The following OVCH1 variants were observed in gnomAD, a reference collection of about 807,000 sequenced individuals.
The protein encoded by OVCH1 is ovochymase-1.
Under a neutral mutation model 138.4 loss-of-function variants are expected in OVCH1, and 139 were observed. The observed-to-expected ratio is 1.00, with a 90% CI of 0.87 to 1.16. OVCH1 has a LOEUF of 1.16. Ranked by LOEUF, OVCH1 falls within the 50% of genes most tolerant of loss-of-function variation. The pLI, the probability that OVCH1 is intolerant of heterozygous loss-of-function variation, is 0.00. For missense variants in OVCH1, 1,367 were observed against 1,357.9 expected, an observed-to-expected ratio of 1.01 and a Z score of -0.11; for synonymous variants, 453 against 467.8, an observed-to-expected ratio of 0.97 and a Z score of 0.41.
chr12:29,479,717 A>T (rs964266268), intron 8 of OVCH1, among the ~76,000 whole-genome samples: 5 of 152,060 alleles, frequency 3.3e-5, no homozygotes, highest in Non-Finnish European at 5.9e-5. Flanking sequence ...CTTTACAAAT[A>T]TTAAGGACTT....
At chr12:29,429,200 G>A (rs1221158640) in intron 27 of OVCH1, among the ~76,000 whole-genome samples, 1 of 152,092 alleles carries the variant, frequency 6.6e-6, no homozygotes, top group East Asian at 1.9e-4. Flanking sequence ...TTTCAAAAAA[G>A]TTACCATCTA....
chr12:29,460,354 A>C (rs1942088216), intron 19 of OVCH1, among the ~76,000 whole-genome samples: 1 of 152,178 alleles, frequency 6.6e-6, no homozygotes, highest in Non-Finnish European at 1.5e-5. Context: ...CCTACAATAG[A>C]CTGAGGGGAA....
intron 22 of OVCH1, among the ~76,000 whole-genome samples, chr12:29,450,998 A>C (rs1423972091): frequency 3.1e-5 from 4 of 128,646 alleles, no homozygotes; most frequent in African/African-American, 8.8e-5. Flanking sequence ...GGGGAACATC[A>C]CACACTGGGG....
intron 26 of OVCH1, among the ~76,000 whole-genome samples, chr12:29,438,498 A>AAAAT (rs1941406229): frequency 1.3e-5 from 2 of 152,110 alleles, no homozygotes; most frequent in East Asian, 3.8e-4. Context: ...ATTTAGTTGG[A>AAAAT]AAATATATTT....
rs1941579585 is a variant in OVCH1, at chr12:29,445,210, A to G, written c.2881+68T>C. 3 of 1,428,370 alleles carry G rather than the reference A, an allele frequency of 2.1e-6. No homozygotes were observed. In the African/African-American group the frequency reaches 4.3e-5, roughly 21 times the overall value. The allele number at this position is 1,428,370 out of a possible 1,614,324, so 88.5% of individuals were successfully genotyped here. A position where few individuals can be genotyped will look rare whatever the true frequency, so the allele number is the denominator to read the frequency against. On this transcript the variant is annotated intron_variant, in intron 23 of 27. Coordinates refer to ENST00000318184, the Ensembl canonical transcript of OVCH1. The stretch of plus-strand genomic sequence containing the variant: ...CTTTCAAAATGTTGTATATGTTTGG[A>G]AATATTCCTAAATAGAGTAATATTG...
At chr12:29,487,544 G>T in intron 7 of OVCH1, 149 bp downstream of exon 7, 2 of 701,506 alleles carry the variant, frequency 2.9e-6, no homozygotes, top group Non-Finnish European at 2.2e-6. Context: ...TGTACTCAGG[G>T]TTTCAGAGAC....
At chr12:29,428,399 C>T (rs1565565743) in intron 27 of OVCH1, among the ~76,000 whole-genome samples, 1 of 152,180 alleles carries the variant, frequency 6.6e-6, no homozygotes, top group Non-Finnish European at 1.5e-5. Flanking sequence ...TGAGATACCC[C>T]ATGGTTTTCC....
chr12:29,418,422 T>A (rs1941059967), intron 3 of OVCH1, among the ~76,000 whole-genome samples: 1 of 152,204 alleles, frequency 6.6e-6, no homozygotes, highest in South Asian at 2.1e-4. Context: ...CTCCATCAAT[T>A]AAAAACCCAT....
Position 29,487,691 on chromosome 12 carries a change from AC to A in OVCH1, c.892+1del, listed in dbSNP as rs764758777. 206 of 1,585,472 alleles carry A rather than the reference AC, an allele frequency of 1.3e-4. No individual in the cohort carries two copies. Among genetic ancestry groups the A allele is most frequent in the Non-Finnish European group, 1.9e-5 (22 of 1,163,586 alleles). On this transcript the variant is annotated splice_donor_variant, in intron 7 of 27. Coordinates refer to ENST00000318184, the Ensembl canonical transcript of OVCH1. LOFTEE classifies it high-confidence loss of function. ...GAGATGAGGAAGAAAGAATTCACCT[AC>A]CTGTGAACAGGTTTTGAGTGATAAA...
At chr12:29,444,693 T>A (rs1239642252) in intron 23 of OVCH1, among the ~76,000 whole-genome samples, 1 of 152,026 alleles carries the variant, frequency 6.6e-6, no homozygotes, top group African/African-American at 2.4e-5. Context: ...TCAGCAATGC[T>A]TTTAGGTGCC....
At chr12:29,458,177 A>G (rs1942017201) in intron 19 of OVCH1, among the ~76,000 whole-genome samples, 1 of 152,192 alleles carries the variant, frequency 6.6e-6, no homozygotes, top group Non-Finnish European at 1.5e-5. Context: ...GACTCAGAAC[A>G]GCCAAGCAAT....
exon 4 of OVCH1, chr12:29,495,394 T>C (rs1943387213): frequency 6.2e-7 from 1 of 1,613,516 alleles, no homozygotes; most frequent in Non-Finnish European, 8.5e-7. Context: ...TATTCTGTTC[T>C]TGCTTATCCT....
chr12:29,406,613 T>C, the OVCH1 span, among the ~76,000 whole-genome samples: 45,738 of 149,596 alleles, frequency 0.31, 8,143 homozygotes, highest in Middle Eastern at 0.52. Flanking sequence ...GTTTCATCCA[T>C]GTCCCTACAA....
At chr12:29,471,314 C>T (rs185191761) in intron 16 of OVCH1, among the ~76,000 whole-genome samples, 131 of 152,216 alleles carry the variant, frequency 8.6e-4, no homozygotes, top group African/African-American at 2.9e-3. Flanking sequence ...ATAATCAAGG[C>T]GGTAGGTTAT....
At chr12:29,454,895 A>G (rs1485231819) in exon 21 of OVCH1, 1 of 1,612,840 alleles carries the variant, frequency 6.2e-7, no homozygotes, top group Admixed American at 1.7e-5. Flanking sequence ...TGTTGTTTTA[A>G]GGTTTTGCAT....
At position 29,462,687 on chromosome 12, in the gene OVCH1, T is replaced by A. The variant is rs562885128; in HGVS notation, c.2126-679A>T. Among the ~76,000 whole-genome samples, 4 of 152,240 alleles carry A rather than the reference T, an allele frequency of 2.6e-5. No individual in the cohort carries two copies. In the South Asian group the frequency reaches 8.3e-4, roughly 32 times the overall value. On this transcript the variant is annotated intron_variant, in intron 18 of 27. Coordinates refer to ENST00000318184, the Ensembl canonical transcript of OVCH1. ...ACAAGTACTTTACATTTATATAGTATCTTAATATTTGTAAAGAGTTTTATT... is the reference window on the plus strand; with the variant it reads ...ACAAGTACTTTACATTTATATAGTAACTTAATATTTGTAAAGAGTTTTATT...
chr12:29,430,731 C>T (rs1941253412), intron 27 of OVCH1, among the ~76,000 whole-genome samples: 1 of 152,160 alleles, frequency 6.6e-6, no homozygotes, highest in Non-Finnish European at 1.5e-5. Context: ...TCCCAGGCTA[C>T]CCACCTCCCA....
chr12:29,444,071 G>A (rs1166919579), intron 24 of OVCH1, 74 bp downstream of exon 24: 1 of 1,455,246 alleles, frequency 6.9e-7, no homozygotes, highest in Non-Finnish European at 9.2e-7. Context: ...TTTTAAGCAA[G>A]TACCAAGTGT....
downstream of OVCH1, among the ~76,000 whole-genome samples, chr12:29,424,113 G>A (rs552654771): frequency 1.7e-4 from 26 of 152,262 alleles, no homozygotes; most frequent in South Asian, 3.3e-3. Context: ...ATTTACTCAC[G>A]TATTTATTAA....
Sources: gnomAD v4.1 joint callset for allele counts (sites outside exome capture counted in the v4.1 genomes callset) on GRCh38, gnomAD v4.1.1 for gene constraint, MANE v1.5 for transcripts, NCBI Gene and HGNC (gene_info 2026-07-23, HGNC 2026-07-21) for gene names.